The following TLE1 variants were observed in gnomAD, a reference collection of about 807,000 sequenced individuals.
TLE1 encodes TLE family member 1, transcriptional corepressor.
TLE1 carries 21 observed loss-of-function variants against 89.8 expected under a neutral mutation model. That is an observed-to-expected ratio of 0.23 (90% confidence interval 0.17 to 0.34). The LOEUF is 0.34. Ranked by LOEUF, TLE1 falls within the 10% of genes least tolerant of loss-of-function variation. TLE1 has a pLI of 1.00. For synonymous variants in TLE1, 447 were observed against 407.6 expected (o/e 1.10, Z -1.16); for missense variants, 795 against 1,031.2 (o/e 0.77, Z 3.14).
intron 4 of TLE1, among the ~76,000 whole-genome samples, chr9:81,669,411 A>T (rs186314916): frequency 6.6e-6 from 1 of 152,322 alleles, no homozygotes; most frequent in East Asian, 1.9e-4. Flanking sequence ...TAATGAGGGG[A>T]AATAACCTTC....
At chr9:81,661,202 ATT>A (rs36086401) in intron 4 of TLE1, among the ~76,000 whole-genome samples, 43,268 of 92,152 alleles carry the variant, frequency 0.47, 6,898 homozygotes, top group Non-Finnish European at 0.51. Context: ...ATATATATGT[ATT>A]TTTATATATA....
At chr9:81,682,239 C>T (rs1433156730) in intron 4 of TLE1, among the ~76,000 whole-genome samples, 1 of 148,538 alleles carries the variant, frequency 6.7e-6, no homozygotes. Context: ...GGGAACAAAG[C>T]GAGATTCCAT....
rs76791402 is a variant in TLE1 at position 81,649,714 on chromosome 9, C to T, written c.372+2500G>A. The stretch of plus-strand genomic sequence containing the variant: ...CAAACCAGGCTGCATTTACTCTGCG[C>T]GCAGCTGCTGCTTGTAGGAACAGAC... On this transcript the variant is annotated intron_variant, in intron 6 of 19. Transcript: ENST00000376499. Among the ~76,000 whole-genome samples, 387 of 152,266 alleles carry T rather than the reference C, an allele frequency of 2.5e-3. 3 individuals are homozygous for T. The highest frequency in any genetic ancestry group is 8.8e-3 in the African/African-American group (365 of 41,568).
At position 81,680,426 on chromosome 9, in the gene TLE1, C is replaced by A. The variant is rs187403451; in HGVS notation, c.234+5250G>T. 4.6e-5 allele frequency among the ~76,000 whole-genome samples: 7 copies of A among 152,324 alleles called. No homozygotes were observed. In the East Asian group the frequency reaches 1.2e-3, roughly 25 times the overall value. On this transcript the variant is annotated intron_variant, in intron 4 of 19. Coordinates refer to ENST00000376499, the MANE Select transcript of TLE1 (RefSeq NM_005077.5). ...CCCCCTGTTGGATCCTGCCCTAATA[C>A]AAAATTTGGACATGTTGTTCCTTGA... is the stretch of plus-strand genomic sequence containing the variant.
chr9:81,585,969 T>C (rs1828350886), intron 17 of TLE1, among the ~76,000 whole-genome samples: 1 of 151,920 alleles, frequency 6.6e-6, no homozygotes, highest in African/African-American at 2.4e-5. Flanking sequence ...TACGATCATA[T>C]ATCACCTATC....
rs1588055506 is a variant in TLE1, at chr9:81,633,659, T to G, written c.578-295A>C. 38 of 512,618 alleles carry G rather than the reference T, an allele frequency of 7.4e-5. No homozygotes were observed. In the East Asian group the frequency reaches 1.1e-3, roughly 14 times the overall value. 31.8% of individuals were successfully genotyped at this position (512,618 alleles called of 1,614,324 possible). On this transcript the variant is annotated intron_variant, in intron 7 of 19. Transcript: ENST00000376499. ...GTCAAGTGCAATTTTGCCCAATATTTAATGCATACTAGAATTAAAGCCTAT... is the reference window on the plus strand; with the variant it reads ...GTCAAGTGCAATTTTGCCCAATATTGAATGCATACTAGAATTAAAGCCTAT...
At chr9:81,625,694 G>GTA (rs1588021015) in intron 8 of TLE1, among the ~76,000 whole-genome samples, 1 of 152,068 alleles carries the variant, frequency 6.6e-6, no homozygotes, top group African/African-American at 2.4e-5. Flanking sequence ...TTGGGACTCT[G>GTA]TATTACTTTA....
In TLE1 at chr9:81,659,703, C is replaced by T. The variant is rs74611265; in HGVS notation, c.235-5667G>A. Among the ~76,000 whole-genome samples the T allele has an allele frequency of 8.5e-3, 1,293 of 152,226 alleles. 8 individuals carry two copies. The highest frequency in any genetic ancestry group is 0.014 in the Admixed American group (220 of 15,286). On this transcript the variant is annotated intron_variant, in intron 4 of 19. Transcript: ENST00000376499. ...TGGTAATACAGTTAGCCCTCATCATCCAAAAATTAGGGTTTGCATCTTGGC... is the reference window on the plus strand; with the variant it reads ...TGGTAATACAGTTAGCCCTCATCATTCAAAAATTAGGGTTTGCATCTTGGC...
chr9:81,662,624 T>C (rs558015732), intron 4 of TLE1, among the ~76,000 whole-genome samples: 2 of 151,164 alleles, frequency 1.3e-5, no homozygotes, highest in African/African-American at 2.4e-5. Flanking sequence ...CTTGAACCCA[T>C]GAGGCAGAGG....
At chr9:81,658,232 T>TA (rs1245278217) in intron 4 of TLE1, among the ~76,000 whole-genome samples, 2 of 151,708 alleles carry the variant, frequency 1.3e-5, no homozygotes, top group African/African-American at 4.8e-5. Context: ...CAATGTTTTT[T>TA]AAAAAAAAGT....
intron 14 of TLE1, among the ~76,000 whole-genome samples, chr9:81,595,658 A>T (rs772479132): frequency 1.3e-5 from 2 of 151,964 alleles, no homozygotes; most frequent in Admixed American, 6.6e-5. Context: ...CTCTACTAAA[A>T]ATACAAAAAA....
At position 81,634,163 on chromosome 9, in the gene TLE1, G is replaced by C; in HGVS notation, c.511C>G (p.Leu171Val). ...ATTGCCAAGTGAGACTGCCCACTCA[G>C]AGCACTAGACAGCGCAAGAAGGCCG... ...SAGLLALSSA[L>V]SGQSHLAIKD... Residue 171 changes from leucine to valine, a missense_variant, in exon 7 of 20, where the codon CTG (leucine) becomes GTG (valine). Around this residue, in one of 4 missense-constraint regions of TLE1, gnomAD observed 468 missense variants for 509.1 expected, o/e 0.92. Coordinates refer to ENST00000376499, the MANE Select transcript of TLE1 (RefSeq NM_005077.5). The C allele has an allele frequency of 6.2e-7, 1 of 1,602,362 alleles. No homozygotes were observed. The highest frequency in any genetic ancestry group is 8.5e-7 in the Non-Finnish European group (1 of 1,173,340).
intron 14 of TLE1, among the ~76,000 whole-genome samples, chr9:81,595,392 T>C (rs1389196464): frequency 6.6e-6 from 1 of 152,160 alleles, no homozygotes. Flanking sequence ...TTCTAGGCTT[T>C]GAAGAATGCT....
At chr9:81,674,715 G>A (rs923826978) in intron 4 of TLE1, among the ~76,000 whole-genome samples, 5 of 152,138 alleles carry the variant, frequency 3.3e-5, no homozygotes, top group African/African-American at 4.8e-5. Context: ...GCTTTTCTGC[G>A]TTAAATAAAA....
intron 14 of TLE1, among the ~76,000 whole-genome samples, chr9:81,602,454 C>A (rs189524129): frequency 2.0e-5 from 3 of 152,122 alleles, no homozygotes; most frequent in African/African-American, 7.2e-5. Context: ...AAATTCATTT[C>A]TGTTTCATAC....
At chr9:81,663,183 A>G (rs1053612706) in intron 4 of TLE1, among the ~76,000 whole-genome samples, 2 of 152,076 alleles carry the variant, frequency 1.3e-5, no homozygotes, top group Non-Finnish European at 2.9e-5. Flanking sequence ...TCAGGAAGGG[A>G]GATAAGCGCC....
Position 81,633,381 on chromosome 9 carries a change from C to G in TLE1, c.578-17G>C. The stretch of plus-strand genomic sequence containing the variant: ...GCTCTCTGTCTGCTCCCGAGGTTAC[C>G]AAGAAACGCACAGACATGCCCGTTC... On this transcript the variant is annotated splice_polypyrimidine_tract_variant and intron_variant, in intron 7 of 19. Coordinates refer to ENST00000376499, the MANE Select transcript of TLE1 (RefSeq NM_005077.5). 1 of 1,612,618 alleles carries G rather than the reference C, an allele frequency of 6.2e-7. No individual in the cohort carries two copies. Among genetic ancestry groups the G allele is most frequent in the Non-Finnish European group, 8.5e-7 (1 of 1,179,758 alleles).
intron 4 of TLE1, among the ~76,000 whole-genome samples, chr9:81,673,407 T>C (rs1300079406): frequency 1.4e-5 from 2 of 145,916 alleles, no homozygotes; most frequent in Non-Finnish European, 3.0e-5. Flanking sequence ...AGTTCAGAGG[T>C]AGGAAGGAAG....
chr9:81,634,049 G>GT (rs1161585948), intron 7 of TLE1, 48 bp downstream of exon 7: 13 of 1,561,520 alleles, frequency 8.3e-6, no homozygotes, highest in African/African-American at 1.3e-5. Flanking sequence ...TTGCAGCACT[G>GT]TAAGAGTATG....
Sources: allele counts gnomAD v4.1 joint callset (sites outside exome capture counted in the v4.1 genomes callset), GRCh38; gene constraint gnomAD v4.1.1; regional missense constraint gnomAD v4.1.1; transcripts MANE v1.5; gene names NCBI Gene and HGNC (gene_info 2026-07-23, HGNC 2026-07-21).